MCMBP: variants seen among roughly 807,000 people sequenced by gnomAD.
MCMBP encodes the protein mini-chromosome maintenance complex-binding protein.
Under a neutral mutation model 81.3 loss-of-function variants are expected in MCMBP, and 31 were observed. That is an observed-to-expected ratio of 0.38 (90% CI 0.29 to 0.51). The LOEUF is 0.51. MCMBP is among the 20% of genes least tolerant of loss of function. The pLI, the probability that MCMBP is intolerant of heterozygous loss-of-function variation, is 0.87. For missense variants in MCMBP, 645 were observed against 772.1 expected (o/e 0.84, Z 1.95); for synonymous variants, 267 against 275.9 (o/e 0.97, Z 0.32).
At chr10:119,860,282 C>T (rs1378621040) in intron 1 of MCMBP, among the ~76,000 whole-genome samples, 1 of 152,146 alleles carries the variant, frequency 6.6e-6, no homozygotes, top group African/African-American at 2.4e-5. Flanking sequence ...TTACAACTAT[C>T]CTGAAATAAA....
chr10:119,831,497 A>G lies in MCMBP; in HGVS notation c.1900T>C (p.Cys634Arg). 1 of 1,613,884 alleles carries G rather than the reference A, an allele frequency of 6.2e-7. No homozygotes were observed. Among genetic ancestry groups the G allele is most frequent in the Non-Finnish European group, 8.5e-7 (1 of 1,179,888 alleles). Reference protein sequence around the residue: ...LRRTRLQQQKCVNGNEL With the variant: ...LRRTRLQQQKRVNGNEL The stretch of plus-strand genomic sequence containing the variant: ...CTTTAAAGTTCATTTCCATTCACAC[A>G]TTTTTGCTGCTGAAGCCTCGTTCTT... Residue 634 changes from cysteine (C) to arginine (R), a missense_variant, in exon 16 of 16, where the codon TGT becomes CGT. By Grantham distance (180) the Cys-to-Arg change is radical. Coordinates refer to ENST00000369077, the MANE Select transcript of MCMBP (RefSeq NM_001256378.2).
chr10:119,843,765 G>A (rs984976422), intron 8 of MCMBP, among the ~76,000 whole-genome samples: 4 of 152,092 alleles, frequency 2.6e-5, no homozygotes, highest in Middle Eastern at 3.4e-3. Context: ...GGGTTCAAGC[G>A]ATTCTCATGC....
In MCMBP at chr10:119,866,348, G is replaced by A. The variant is rs1054756195; in HGVS notation, c.58+6179C>T. On this transcript the variant is annotated intron_variant, in intron 1 of 15. Transcript: ENST00000369077. ...AGTGATGAAAATGATAGGGGTGGCC[G>A]GGCGTGGTGGCTCATGCCTGTAATC... Among the ~76,000 whole-genome samples the A allele has an allele frequency of 5.3e-5, 8 of 152,124 alleles. No homozygotes were observed. In the South Asian group the frequency reaches 1.5e-3, roughly 28 times the overall value.
chr10:119,834,334 GAC>G (rs1429398946), intron 14 of MCMBP, among the ~76,000 whole-genome samples: 3 of 152,162 alleles, frequency 2.0e-5, no homozygotes, highest in African/African-American at 7.2e-5. Flanking sequence ...TGAAAGCAGT[GAC>G]AGAAAAATGA....
intron 8 of MCMBP, among the ~76,000 whole-genome samples, chr10:119,846,296 T>C (rs181757095): frequency 3.2e-4 from 49 of 152,274 alleles, no homozygotes; most frequent in Non-Finnish European, 6.0e-4. Flanking sequence ...TTGAATAAAA[T>C]CAGAATCTAT....
chr10:119,860,034 T>C (rs970768253), intron 1 of MCMBP, 150 bp from the exon 2 acceptor site: 1 of 606,538 alleles, frequency 1.6e-6, no homozygotes. Context: ...GGGTGTATTT[T>C]ATGCTTCAGT....
chr10:119,850,747 T>TAA (rs367627623), intron 6 of MCMBP, among the ~76,000 whole-genome samples: 7,048 of 117,746 alleles, frequency 0.06, 313 homozygotes, highest in South Asian at 0.18. Flanking sequence ...AGACTCCGTC[T>TAA]AAAAAAAAAA....
chr10:119,864,881 A>C (rs1853398743), intron 1 of MCMBP, among the ~76,000 whole-genome samples: 1 of 152,188 alleles, frequency 6.6e-6, no homozygotes, highest in Non-Finnish European at 1.5e-5. Flanking sequence ...TTTTTAATCC[A>C]TGGATTGTTT....
intron 4 of MCMBP, 89 bp downstream of exon 4, chr10:119,858,795 G>GATAA (rs1377145529): frequency 1.0e-6 from 1 of 983,786 alleles, no homozygotes; most frequent in African/African-American, 1.7e-5. Flanking sequence ...TTATACACAA[G>GATAA]ATAAATAAAT....
chr10:119,850,131 C>G (rs745947686), intron 6 of MCMBP, among the ~76,000 whole-genome samples: 13 of 152,142 alleles, frequency 8.5e-5, no homozygotes, highest in Non-Finnish European at 4.4e-5. Flanking sequence ...CAAATTATAG[C>G]CTGCCATACC....
At chr10:119,862,860 T>C (rs1853311578) in intron 1 of MCMBP, among the ~76,000 whole-genome samples, 3 of 152,266 alleles carry the variant, frequency 2.0e-5, no homozygotes, top group South Asian at 4.1e-4. Context: ...GCTGTTCTAA[T>C]ATGCAATATC....
intron 5 of MCMBP, among the ~76,000 whole-genome samples, chr10:119,853,527 C>T (rs575045179): frequency 4.6e-5 from 7 of 152,354 alleles, no homozygotes; most frequent in African/African-American, 9.6e-5. Context: ...CTCCTGGAGA[C>T]GTTCTCCAAA....
At chr10:119,836,114 G>A (rs950579188) in intron 13 of MCMBP, among the ~76,000 whole-genome samples, 4 of 152,192 alleles carry the variant, frequency 2.6e-5, no homozygotes, top group Non-Finnish European at 5.9e-5. Context: ...GATTACAGGC[G>A]TGAGCCACCG....
chr10:119,859,287 CACA>C, intron 2 of MCMBP, 106 bp from the exon 3 acceptor site: 1 of 820,848 alleles, frequency 1.2e-6, no homozygotes, highest in South Asian at 2.0e-5. Context: ...CACACACACA[CACA>C]CACACACACA....
chr10:119,866,049 C>T (rs776411605), intron 1 of MCMBP, among the ~76,000 whole-genome samples: 3 of 148,310 alleles, frequency 2.0e-5, no homozygotes, highest in Non-Finnish European at 4.4e-5. Context: ...GATCTTGCCA[C>T]ACAGCATTCC....
At chr10:119,863,596 G>A (rs1853338173) in intron 1 of MCMBP, among the ~76,000 whole-genome samples, 1 of 151,822 alleles carries the variant, frequency 6.6e-6, no homozygotes. Flanking sequence ...GGGCGTGGTG[G>A]CACACGCCTG....
At chr10:119,834,806 G>C (rs1445995342) in intron 14 of MCMBP, among the ~76,000 whole-genome samples, 1 of 137,034 alleles carries the variant, frequency 7.3e-6, no homozygotes, top group Non-Finnish European at 1.5e-5. Context: ...AGGCTGCAGT[G>C]AGCCATGATC....
At chr10:119,832,398 G>C (rs112953634) in intron 14 of MCMBP, among the ~76,000 whole-genome samples, 198 of 152,296 alleles carry the variant, frequency 1.3e-3, no homozygotes, top group African/African-American at 4.4e-3. Context: ...GCAGAAAACT[G>C]TCTCTACTGT....
intron 5 of MCMBP, 55 bp downstream of exon 5, chr10:119,857,283 A>C: frequency 7.9e-7 from 1 of 1,264,652 alleles, no homozygotes; most frequent in Non-Finnish European, 1.1e-6. Context: ...AGAATAATTA[A>C]AGGCTAAGTT....
Sources: gnomAD v4.1 joint callset for allele counts (sites outside exome capture counted in the v4.1 genomes callset) on GRCh38, gnomAD v4.1.1 for gene constraint, MANE v1.5 for transcripts, NCBI Gene and HGNC (gene_info 2026-07-23, HGNC 2026-07-21) for gene names.